Variants in SLC24A2 observed in about 807,000 individuals in gnomAD.
The protein encoded by SLC24A2 is sodium/potassium/calcium exchanger 2.
In SLC24A2, 36 loss-of-function variants were observed where a neutral mutation model predicts 62.0. That is an observed-to-expected ratio of 0.58 (90% CI 0.44 to 0.77). SLC24A2 has a LOEUF of 0.77. Among genes scored for constraint, SLC24A2 ranks in the 30% least tolerant of loss-of-function variants. The pLI, the probability that SLC24A2 is intolerant of heterozygous loss-of-function variation, is 0.00. For synonymous variants in SLC24A2, 358 were observed against 294.0 expected, an observed-to-expected ratio of 1.22 and a Z score of -2.23; for missense variants, 846 against 817.9, an observed-to-expected ratio of 1.03 and a Z score of -0.42.
At chr9:20,020,549 C>T in the SLC24A2 span, among the ~76,000 whole-genome samples, 1 of 151,968 alleles carries the variant, frequency 6.6e-6, no homozygotes, top group African/African-American at 2.4e-5. Flanking sequence ...GGGAGGGGAA[C>T]ATCACACACT....
intron 4 of SLC24A2, among the ~76,000 whole-genome samples, chr9:19,611,243 C>T (rs569047224): frequency 6.7e-6 from 1 of 149,240 alleles, no homozygotes; most frequent in Admixed American, 6.7e-5. Context: ...GCTAGGCAGT[C>T]AGAGAAGCAG....
In SLC24A2 at chr9:19,788,900, G is replaced by C; in HGVS notation, c.-169C>G. Reference sequence around the variant, plus strand: ...CCGCACTTACCAGGATAAGATGGGAGGACGCGCACACGGCGGGGCCCCCGA... The same window carrying C: ...CCGCACTTACCAGGATAAGATGGGACGACGCGCACACGGCGGGGCCCCCGA... On this transcript the variant is annotated 5_prime_UTR_variant, in exon 1 of 11. Transcript: ENST00000341998. 1.0e-6 allele frequency: 1 copy of C among 985,384 alleles called. No homozygotes were observed. Among genetic ancestry groups the C allele is most frequent in the Non-Finnish European group, 1.2e-6 (1 of 829,896 alleles). 61.0% of individuals were successfully genotyped at this position (985,384 alleles called of 1,614,324 possible).
chr9:19,987,601 T>C, the SLC24A2 span, among the ~76,000 whole-genome samples: 1 of 152,182 alleles, frequency 6.6e-6, no homozygotes, highest in Non-Finnish European at 1.5e-5. Flanking sequence ...TTTGGCTCCT[T>C]GGTCTCCTGA....
At chr9:19,766,941 T>C (rs1822534747) in intron 2 of SLC24A2, among the ~76,000 whole-genome samples, 1 of 152,162 alleles carries the variant, frequency 6.6e-6, no homozygotes, top group South Asian at 2.1e-4. Flanking sequence ...GGGAGTTTTA[T>C]CTATAAGTCC....
the SLC24A2 span, among the ~76,000 whole-genome samples, chr9:19,963,601 A>C: frequency 2.0e-5 from 3 of 152,226 alleles, no homozygotes; most frequent in Non-Finnish European, 4.4e-5. Flanking sequence ...TTATGCAGCC[A>C]AAAAACACAT....
the SLC24A2 span, among the ~76,000 whole-genome samples, chr9:20,185,220 C>G: frequency 6.6e-6 from 1 of 152,006 alleles, no homozygotes; most frequent in East Asian, 1.9e-4. Context: ...TAAAAATTAC[C>G]AAGTGTTCTC....
chr9:19,522,157 C>A (rs1833235155), intron 9 of SLC24A2, among the ~76,000 whole-genome samples: 2 of 152,264 alleles, frequency 1.3e-5, no homozygotes, highest in African/African-American at 4.8e-5. Flanking sequence ...CACAGGTGAG[C>A]ACTGCCACAC....
intron 5 of SLC24A2, among the ~76,000 whole-genome samples, chr9:19,581,874 T>C (rs1010560088): frequency 6.6e-6 from 1 of 152,224 alleles, no homozygotes. Flanking sequence ...ATTTTTAACA[T>C]GTTTCAAGGC....
chr9:19,986,347 A>T, the SLC24A2 span, among the ~76,000 whole-genome samples: 1 of 152,116 alleles, frequency 6.6e-6, no homozygotes, highest in African/African-American at 2.4e-5. Context: ...CCAATAATAT[A>T]TTGTTTGGTT....
the SLC24A2 span, among the ~76,000 whole-genome samples, chr9:20,227,055 G>C: frequency 4.6e-5 from 7 of 152,220 alleles, no homozygotes; most frequent in African/African-American, 1.7e-4. Flanking sequence ...CCAAACACTG[G>C]TGGTAACTTT....
the SLC24A2 span, among the ~76,000 whole-genome samples, chr9:20,207,693 G>C: frequency 6.6e-6 from 1 of 152,150 alleles, no homozygotes; most frequent in Non-Finnish European, 1.5e-5. Context: ...TTATATCCAT[G>C]ATGTTAAATC....
chr9:19,851,317 G>A, the SLC24A2 span, among the ~76,000 whole-genome samples: 79 of 151,712 alleles, frequency 5.2e-4, no homozygotes, highest in East Asian at 0.014. Context: ...GAGCTACTGC[G>A]CCTGGCCCAG....
chr9:20,182,565 C>T, the SLC24A2 span, among the ~76,000 whole-genome samples: 1 of 152,150 alleles, frequency 6.6e-6, no homozygotes, highest in Non-Finnish European at 1.5e-5. Context: ...TGTTATCACC[C>T]ATAAGTGGGA....
chr9:19,692,326 T>A (rs1209278339), intron 2 of SLC24A2, among the ~76,000 whole-genome samples: 2 of 152,146 alleles, frequency 1.3e-5, no homozygotes, highest in South Asian at 4.1e-4. Context: ...TTTCTACAGG[T>A]TTTTTTCCAC....
At chr9:19,631,525 C>T (rs1489486521) in intron 2 of SLC24A2, among the ~76,000 whole-genome samples, 1 of 152,166 alleles carries the variant, frequency 6.6e-6, no homozygotes, top group African/African-American at 2.4e-5. Flanking sequence ...TTGTAAGCTT[C>T]TTGAGTGAGG....
chr9:19,598,702 G>C lies in SLC24A2; in HGVS notation c.1079-1423C>G, dbSNP rs144590780. ...ATATATATGTATATATATATATTCT[G>C]GTATTTTAAGAACAGTATTATATAT... On this transcript the variant is annotated intron_variant, in intron 4 of 10. Coordinates refer to ENST00000341998, the MANE Select transcript of SLC24A2 (RefSeq NM_020344.4). 8.4e-3 allele frequency among the ~76,000 whole-genome samples: 1,274 copies of C among 151,742 alleles called. 19 individuals carry two copies. The highest frequency in any genetic ancestry group is 0.028 in the African/African-American group (1,167 of 41,374).
the SLC24A2 span, among the ~76,000 whole-genome samples, chr9:19,909,529 G>C: frequency 5.3e-5 from 8 of 152,188 alleles, no homozygotes; most frequent in South Asian, 4.1e-4. Context: ...TTTAATAAGG[G>C]AAAAAGGTTT....
chr9:19,673,182 G>T (rs1168298195), intron 2 of SLC24A2, among the ~76,000 whole-genome samples: 1 of 146,182 alleles, frequency 6.8e-6, no homozygotes, highest in Non-Finnish European at 1.5e-5. Context: ...TCATTTCTTA[G>T]GTCTAGTAGT....
chr9:19,688,127 T>C (rs1361436325), intron 2 of SLC24A2, among the ~76,000 whole-genome samples: 1 of 152,160 alleles, frequency 6.6e-6, no homozygotes, highest in Non-Finnish European at 1.5e-5. Flanking sequence ...GTAGCTTGTA[T>C]AAATCTTGAA....
Sources: gnomAD v4.1 joint callset for allele counts (sites outside exome capture counted in the v4.1 genomes callset) on GRCh38, gnomAD v4.1.1 for gene constraint, MANE v1.5 for transcripts, NCBI Gene and HGNC (gene_info 2026-07-23, HGNC 2026-07-21) for gene names.